Variants in ABLIM1 observed in about 807,000 individuals in gnomAD.
The protein encoded by ABLIM1 is actin binding LIM protein 1.
Under a neutral mutation model 107.0 loss-of-function variants are expected in ABLIM1, and 40 were observed. The observed-to-expected ratio is 0.37, with a 90% confidence interval of 0.29 to 0.49. The LOEUF (loss-of-function observed/expected upper bound fraction) is 0.49, where lower values mean the gene tolerates loss of function less well. ABLIM1 is among the 20% of genes least tolerant of loss of function. The probability of loss-of-function intolerance (pLI) is 0.97; values close to 1 mark genes in which losing one functional copy is unlikely to be tolerated. For synonymous variants in ABLIM1, 357 were observed against 357.3 expected, an observed-to-expected ratio of 1.00 and a Z score of 0.01; for missense variants, 857 against 1,008.5, an observed-to-expected ratio of 0.85 and a Z score of 2.04.
At chr10:114,759,111 T>C (rs2082690692) in intron 1 of ABLIM1, among the ~76,000 whole-genome samples, 1 of 152,216 alleles carries the variant, frequency 6.6e-6, no homozygotes, top group Non-Finnish European at 1.5e-5. Context: ...TCATGTTTAT[T>C]TTAATGCAGG....
chr10:114,590,338 G>A (rs2074718378), intron 2 of ABLIM1, among the ~76,000 whole-genome samples: 1 of 152,098 alleles, frequency 6.6e-6, no homozygotes, highest in Non-Finnish European at 1.5e-5. Flanking sequence ...CCCCAACCAC[G>A]GAGATGCTGA....
At chr10:114,694,936 T>C (rs1345239467) in intron 1 of ABLIM1, among the ~76,000 whole-genome samples, 2 of 152,202 alleles carry the variant, frequency 1.3e-5, no homozygotes, top group Non-Finnish European at 2.9e-5. Context: ...TGGGAACTTC[T>C]TAGAAATGCA....
At chr10:114,557,176 G>A (rs1221664323) in intron 4 of ABLIM1, among the ~76,000 whole-genome samples, 1 of 152,156 alleles carries the variant, frequency 6.6e-6, no homozygotes, top group Non-Finnish European at 1.5e-5. Context: ...AAAGGCTTAT[G>A]TGGAGCCTGA....
At chr10:114,515,277 C>T (rs1012605339) in intron 6 of ABLIM1, among the ~76,000 whole-genome samples, 5 of 151,662 alleles carry the variant, frequency 3.3e-5, no homozygotes, top group African/African-American at 1.2e-4. Flanking sequence ...TCCCCAAATC[C>T]AGATGTGGAA....
intron 1 of ABLIM1, among the ~76,000 whole-genome samples, chr10:114,664,759 G>A (rs1205395213): frequency 6.6e-6 from 1 of 150,820 alleles, no homozygotes; most frequent in Non-Finnish European, 1.5e-5. Flanking sequence ...GGCCAGGCTG[G>A]TCTCGAACTC....
At chr10:114,506,741 C>T (rs901035978) in intron 6 of ABLIM1, among the ~76,000 whole-genome samples, 2 of 152,072 alleles carry the variant, frequency 1.3e-5, no homozygotes, top group African/African-American at 4.8e-5. Context: ...GATATTAGAC[C>T]TTTGCCAGAT....
chr10:114,638,612 A>C (rs2078591649), intron 1 of ABLIM1, among the ~76,000 whole-genome samples: 2 of 147,802 alleles, frequency 1.4e-5, no homozygotes, highest in Admixed American at 1.4e-4. Context: ...CTCTCGTCCC[A>C]TGCCCTGCCT....
chr10:114,468,399 C>A, intron 10 of ABLIM1, 183 bp from the exon 11 acceptor site: 2 of 547,426 alleles, frequency 3.7e-6, no homozygotes, highest in South Asian at 3.9e-5. Flanking sequence ...CTCAGCCTCC[C>A]AAGTAGCTGG....
intron 7 of ABLIM1, among the ~76,000 whole-genome samples, chr10:114,489,713 G>A (rs770176720): frequency 9.9e-5 from 15 of 152,148 alleles, no homozygotes; most frequent in African/African-American, 1.4e-4. Context: ...CCGGGTCTGC[G>A]CACAATGGCA....
chr10:114,504,123 T>C (rs1304894071), intron 6 of ABLIM1, among the ~76,000 whole-genome samples: 3 of 152,360 alleles, frequency 2.0e-5, no homozygotes, highest in Non-Finnish European at 4.4e-5. Context: ...TTGAGGACTT[T>C]GGCGGTGGTT....
chr10:114,714,027 T>C (rs1300381450), intron 1 of ABLIM1, among the ~76,000 whole-genome samples: 1 of 152,156 alleles, frequency 6.6e-6, no homozygotes, highest in Non-Finnish European at 1.5e-5. Flanking sequence ...CTCCCAGAAA[T>C]ACCTAGAGAG....
rs2138997124 is a variant in ABLIM1, at chr10:114,576,258, A to C, written c.380-659T>G. ...CCGACTGTGCAGCTGTGGATTAGGG[A>C]GATGGTGCAAACAGGCAGTGGGAGC... On this transcript the variant is annotated intron_variant, in intron 2 of 22. Transcript: ENST00000533213. Among the ~76,000 whole-genome samples the C allele has an allele frequency of 1.3e-5, 2 of 152,250 alleles. 1 individual carries two copies. The highest frequency in any genetic ancestry group is 4.2e-4 in the South Asian group (2 of 4,806).
intron 6 of ABLIM1, among the ~76,000 whole-genome samples, chr10:114,500,529 C>T (rs1413781777): frequency 1.3e-5 from 2 of 151,758 alleles, no homozygotes; most frequent in Non-Finnish European, 2.9e-5. Context: ...ACAACACAAA[C>T]ATTAGCTGGG....
At chr10:114,473,783 C>T in intron 9 of ABLIM1, 96 bp downstream of exon 9, 1 of 922,688 alleles carries the variant, frequency 1.1e-6, no homozygotes, top group Non-Finnish European at 1.7e-6. Context: ...ATAGAAATCA[C>T]TTTGAATCAG....
Position 114,441,001 on chromosome 10 carries a change from G to A in ABLIM1, c.2059+16C>T. On this transcript the variant is annotated intron_variant, in intron 19 of 22. Coordinates refer to ENST00000533213, the MANE Select transcript of ABLIM1 (RefSeq NM_002313.7). ...GGAAGACGTGGCCATGCTCAGCCTG[G>A]CCATGGGAGCCTCACCTCGCACTCC... The A allele has an allele frequency of 1.3e-6, 2 of 1,580,360 alleles. No homozygotes were observed. Among genetic ancestry groups the A allele is most frequent in the Non-Finnish European group, 1.7e-6 (2 of 1,161,634 alleles).
At chr10:114,732,737 T>A (rs552068655) in intron 1 of ABLIM1, among the ~76,000 whole-genome samples, 1 of 152,170 alleles carries the variant, frequency 6.6e-6, no homozygotes, top group South Asian at 2.1e-4. Context: ...CCTTAAATTA[T>A]TTCTAGAAAA....
At chr10:114,679,042 A>G (rs183337187) in intron 1 of ABLIM1, among the ~76,000 whole-genome samples, 2 of 152,330 alleles carry the variant, frequency 1.3e-5, no homozygotes. Context: ...GATGTGACTC[A>G]TCTGGCTTAT....
intron 12 of ABLIM1, chr10:114,462,917 C>T (rs927956314): frequency 2.6e-5 from 27 of 1,041,638 alleles, no homozygotes; most frequent in Non-Finnish European, 3.4e-5. Context: ...ATAGTCATGA[C>T]ACACGCAGGC....
At chr10:114,518,652 C>G (rs544051594) in intron 6 of ABLIM1, among the ~76,000 whole-genome samples, 1 of 151,842 alleles carries the variant, frequency 6.6e-6, no homozygotes, top group African/African-American at 2.4e-5. Flanking sequence ...TGTTCATTTA[C>G]ATAGTCTCTA....
Sources: gnomAD v4.1 joint callset for allele counts (sites outside exome capture counted in the v4.1 genomes callset) on GRCh38, gnomAD v4.1.1 for gene constraint, MANE v1.5 for transcripts, NCBI Gene and HGNC (gene_info 2026-07-23, HGNC 2026-07-21) for gene names.